The following HPSE2 variants were observed in gnomAD, a reference collection of about 807,000 sequenced individuals.
HPSE2 encodes heparanase 2 (inactive).
HPSE2 carries 38 observed loss-of-function variants against 60.5 expected under a neutral mutation model. The observed-to-expected ratio is 0.63, with a 90% CI of 0.48 to 0.82. The LOEUF is 0.82. Among genes scored for constraint, HPSE2 ranks in the 40% least tolerant of loss-of-function variants. The pLI is 0.00. For missense variants in HPSE2, 713 were observed against 740.4 expected, an observed-to-expected ratio of 0.96 and a Z score of 0.43; for synonymous variants, 295 against 293.2, an observed-to-expected ratio of 1.01 and a Z score of -0.06.
intron 6 of HPSE2, among the ~76,000 whole-genome samples, chr10:98,688,761 T>C (rs483300): frequency 0.9 from 136,373 of 151,854 alleles, 62,406 homozygotes; most frequent in Non-Finnish European, 1. Context: ...CAGGCATGAG[T>C]CACCGTGCCT....
chr10:99,178,732 C>A (rs1251665185), intron 2 of HPSE2, among the ~76,000 whole-genome samples: 1 of 152,136 alleles, frequency 6.6e-6, no homozygotes, highest in Non-Finnish European at 1.5e-5. Context: ...CTATTCCAAA[C>A]AACAGAAAAA....
At chr10:99,003,155 C>T (rs1956813872) in intron 3 of HPSE2, among the ~76,000 whole-genome samples, 1 of 152,106 alleles carries the variant, frequency 6.6e-6, no homozygotes, top group South Asian at 2.1e-4. Flanking sequence ...CCTCCATGTT[C>T]ATCCATGTTG....
chr10:99,125,946 T>C (rs1218809819), intron 3 of HPSE2, among the ~76,000 whole-genome samples: 2 of 152,090 alleles, frequency 1.3e-5, no homozygotes, highest in South Asian at 2.1e-4. Flanking sequence ...TGTAATAATT[T>C]TGACTGGGAG....
intron 3 of HPSE2, among the ~76,000 whole-genome samples, chr10:98,804,716 A>T (rs1202709979): frequency 6.6e-6 from 1 of 152,190 alleles, no homozygotes; most frequent in Non-Finnish European, 1.5e-5. Context: ...TATGGAAAAA[A>T]GTTTGGAGGT....
intron 3 of HPSE2, among the ~76,000 whole-genome samples, chr10:98,850,405 G>C (rs944174239): frequency 4.6e-5 from 7 of 152,126 alleles, no homozygotes; most frequent in African/African-American, 1.7e-4. Context: ...GTAAACTCCA[G>C]TGCTCAAACT....
rs995273288 is a variant in HPSE2 at position 98,459,881 on chromosome 10, T to C, written c.1614-142A>G. On this transcript the variant is annotated intron_variant, in intron 11 of 11. Transcript: ENST00000370552. Reference sequence around the variant, plus strand: ...TTGTTACTGGCTATGCCCTAGATTCTGACCTAGGTGCTTTACTTTAATAAC... The same window carrying C: ...TTGTTACTGGCTATGCCCTAGATTCCGACCTAGGTGCTTTACTTTAATAAC... 1.2e-5 allele frequency: 10 copies of C among 805,084 alleles called. No homozygotes were observed. In the Admixed American group the frequency reaches 1.9e-4, roughly 16 times the overall value. 49.9% of individuals were successfully genotyped at this position (805,084 alleles called of 1,614,324 possible). A position where few individuals can be genotyped will look rare whatever the true frequency, so the allele number is the denominator to read the frequency against.
intron 3 of HPSE2, among the ~76,000 whole-genome samples, chr10:98,985,909 T>G (rs1956332557): frequency 6.6e-6 from 1 of 152,094 alleles, no homozygotes; most frequent in Admixed American, 6.5e-5. Context: ...CATTACATAA[T>G]GGTAAAGGGA....
intron 2 of HPSE2, among the ~76,000 whole-genome samples, chr10:99,153,164 G>A (rs1042686560): frequency 3.9e-5 from 6 of 152,200 alleles, no homozygotes; most frequent in Non-Finnish European, 7.4e-5. Flanking sequence ...AGGCAGCAGC[G>A]AGGCTGGGGG....
chr10:98,727,437 G>A (rs1949115082), intron 4 of HPSE2, among the ~76,000 whole-genome samples: 1 of 152,146 alleles, frequency 6.6e-6, no homozygotes. Flanking sequence ...GATCACTTGA[G>A]GTCAGGATTT....
intron 3 of HPSE2, among the ~76,000 whole-genome samples, chr10:98,898,834 TAAAC>T (rs2134969770): frequency 6.6e-6 from 1 of 152,114 alleles, no homozygotes; most frequent in African/African-American, 2.4e-5. Flanking sequence ...AGTCCAGAAA[TAAAC>T]AAAACTTATT....
intron 5 of HPSE2, among the ~76,000 whole-genome samples, chr10:98,694,885 C>G (rs4244332): frequency 0.59 from 90,056 of 152,054 alleles, 27,199 homozygotes; most frequent in South Asian, 0.78. Context: ...TCAGTCCGGA[C>G]ACCCTGGTGG....
intron 6 of HPSE2, among the ~76,000 whole-genome samples, chr10:98,691,725 C>G (rs75255306): frequency 0.078 from 11,903 of 152,208 alleles, 639 homozygotes; most frequent in South Asian, 0.19. Flanking sequence ...TGGAGTGAGA[C>G]AGACACAACT....
chr10:98,645,848 G>A (rs567935932), intron 6 of HPSE2, among the ~76,000 whole-genome samples: 6 of 152,228 alleles, frequency 3.9e-5, no homozygotes, highest in East Asian at 1.9e-4. Context: ...GGTGGGGGGC[G>A]CCTGTAGTCC....
At chr10:98,926,266 G>C (rs1024158150) in intron 3 of HPSE2, among the ~76,000 whole-genome samples, 8 of 152,134 alleles carry the variant, frequency 5.3e-5, no homozygotes, top group Admixed American at 2.0e-4. Flanking sequence ...TGCTGAACCA[G>C]TGGGAGGAGG....
chr10:98,720,128 TAAAATA>T (rs1948886581), intron 5 of HPSE2, among the ~76,000 whole-genome samples: 2 of 151,988 alleles, frequency 1.3e-5, no homozygotes, highest in South Asian at 2.1e-4. Flanking sequence ...AAATAAGGTT[TAAAATA>T]AAAATGAAAA....
intron 2 of HPSE2, among the ~76,000 whole-genome samples, chr10:99,191,823 AC>A (rs1161432201): frequency 6.6e-6 from 1 of 152,216 alleles, no homozygotes; most frequent in Non-Finnish European, 1.5e-5. Context: ...GAGAAATGTG[AC>A]CTTTCAGACA....
At chr10:99,273,947 C>G in the HPSE2 span, among the ~76,000 whole-genome samples, 1 of 152,210 alleles carries the variant, frequency 6.6e-6, no homozygotes, top group Non-Finnish European at 1.5e-5. Flanking sequence ...CAGTCTGAAA[C>G]AAGCCTTTAC....
chr10:99,147,223 G>A (rs982677064), intron 2 of HPSE2, among the ~76,000 whole-genome samples: 9 of 152,106 alleles, frequency 5.9e-5, no homozygotes, highest in African/African-American at 2.2e-4. Flanking sequence ...TCTTTCCAGA[G>A]CTCCTATATG....
chr10:98,949,237 C>T (rs1955281244), intron 3 of HPSE2, among the ~76,000 whole-genome samples: 1 of 113,596 alleles, frequency 8.8e-6, no homozygotes, highest in South Asian at 2.9e-4. Flanking sequence ...CACGCACACG[C>T]ACACGCATGC....
Sources: gnomAD v4.1 joint callset for allele counts (sites outside exome capture counted in the v4.1 genomes callset) on GRCh38, gnomAD v4.1.1 for gene constraint, MANE v1.5 for transcripts, NCBI Gene and HGNC (gene_info 2026-07-23, HGNC 2026-07-21) for gene names.